The following PIK3CG variants were observed in gnomAD, a reference collection of about 807,000 sequenced individuals.
PIK3CG encodes the protein phosphatidylinositol-4,5-bisphosphate 3-kinase catalytic subunit gamma.
Under a neutral mutation model 102.3 loss-of-function variants are expected in PIK3CG, and 55 were observed. The ratio of observed to expected loss-of-function variants is 0.54; its 90% CI spans 0.43 to 0.67. The LOEUF is 0.67. Among genes scored for constraint, PIK3CG ranks in the 30% least tolerant of loss-of-function variants. PIK3CG has a pLI of 0.00. For synonymous variants in PIK3CG, 552 were observed against 540.0 expected (o/e 1.02, Z -0.31); for missense variants, 1,258 against 1,391.8 (o/e 0.90, Z 1.53).
rs997923950 is a variant in PIK3CG, at chr7:106,895,389, G to A, written c.3030+9097G>A. On this transcript the variant is annotated intron_variant, in intron 10 of 10. Transcript: ENST00000496166. The surrounding 1 kb of genome is among the most constrained non-coding windows in gnomAD (Gnocchi z 5.4). The stretch of plus-strand genomic sequence containing the variant: ...AGGCCTCTAGGCCAAGGTAGTGTCA[G>A]AACACTCCCACAGACCCTGTGGCTG... Among the ~76,000 whole-genome samples the A allele has an allele frequency of 1.3e-5, 2 of 152,214 alleles. No homozygotes were observed. The highest frequency in any genetic ancestry group is 2.4e-5 in the African/African-American group (1 of 41,466).
intron 9 of PIK3CG, among the ~76,000 whole-genome samples, chr7:106,885,800 A>G (rs920777334): frequency 6.6e-6 from 1 of 152,162 alleles, no homozygotes; most frequent in African/African-American, 2.4e-5. Context: ...TGAGTTGCGT[A>G]AAGAGCATAA....
Position 106,907,081 on chromosome 7 carries a change from C to G in PIK3CG, c.*1694C>G, listed in dbSNP as rs114594129. 8.8e-3 allele frequency: 1,733 copies of G among 196,258 alleles called. 23 individuals carry two copies. Among genetic ancestry groups the G allele is most frequent in the African/African-American group, 0.038 (1,632 of 43,264 alleles). The allele number at this position is 196,258 out of a possible 1,614,324, so 12.2% of individuals were successfully genotyped here. On this transcript the variant is annotated 3_prime_UTR_variant, in exon 11 of 11. Coordinates refer to ENST00000496166, the MANE Select transcript of PIK3CG (RefSeq NM_001282426.2). ...AACTGCAGAGAGTCATGATCATGTC[C>G]TTACACTCCAGCCTGGATAACAGAG...
chr7:106,876,905 AAAT>A (rs1255660865), intron 5 of PIK3CG, among the ~76,000 whole-genome samples: 1 of 152,144 alleles, frequency 6.6e-6, no homozygotes, highest in East Asian at 1.9e-4. Flanking sequence ...CTTATCTAAG[AAAT>A]CTGTCTAGGA....
chr7:106,884,295 T>A lies in PIK3CG; in HGVS notation c.2872+29T>A. ...AGTTTATTTAGTGCAGAATAAACTT[T>A]TATTGTGGTAAAATATATATAACAT... On this transcript the variant is annotated intron_variant, in intron 9 of 10. Coordinates refer to ENST00000496166, the MANE Select transcript of PIK3CG (RefSeq NM_001282426.2). This position sits in a 1 kb window ranked among gnomAD's most constrained non-coding sequence, Gnocchi z 4.2. The A allele has an allele frequency of 7.3e-7, 1 of 1,363,018 alleles. No homozygotes were observed. Among genetic ancestry groups the A allele is most frequent in the Non-Finnish European group, 1.0e-6 (1 of 954,100 alleles). The allele number at this position is 1,363,018 out of a possible 1,614,324, so 84.4% of individuals were successfully genotyped here.
chr7:106,901,814 G>A (rs1177565759), intron 10 of PIK3CG, among the ~76,000 whole-genome samples: 2 of 152,194 alleles, frequency 1.3e-5, no homozygotes, highest in African/African-American at 4.8e-5. Context: ...TGGTTTCAGA[G>A]GGAGGTATGT....
chr7:106,868,976 G>A lies in PIK3CG; in HGVS notation c.1415G>A (p.Arg472His), dbSNP rs751167601. 2.5e-6 allele frequency: 4 copies of A among 1,614,136 alleles called. No homozygotes were observed. Among genetic ancestry groups the A allele is most frequent in the Non-Finnish European group, 2.5e-6 (3 of 1,180,022 alleles). The change falls in exon 2 of 11, where the codon CGT becomes CAT. Residue 472 changes from arginine (R) to histidine (H), a missense_variant. Coordinates refer to ENST00000496166, the MANE Select transcript of PIK3CG (RefSeq NM_001282426.2). The surrounding 1 kb of genome is among the most constrained non-coding windows in gnomAD (Gnocchi z 6.2). ...YYVNLLLIDH[R>H]FLLRRGEYVL... ...GTGAACCTGCTGCTGATAGACCACC[G>A]TTTCCTCCTGCGCCGTGGAGAATAC...
rs2116490581 is a variant in PIK3CG at position 106,872,947 on chromosome 7, G to A, written c.2287+9G>A. The A allele has an allele frequency of 6.3e-7, 1 of 1,583,028 alleles. No individual in the cohort carries two copies. On this transcript the variant is annotated intron_variant, in intron 4 of 10. Transcript: ENST00000496166. This position sits in a 1 kb window ranked among gnomAD's most constrained non-coding sequence, Gnocchi z 5.3. ...TGACGTCAGTTCCCAAGGTACGGTGGCTATATTTTCTGTGTTCTCTTTCCA... is the reference window on the plus strand; with the variant it reads ...TGACGTCAGTTCCCAAGGTACGGTGACTATATTTTCTGTGTTCTCTTTCCA...
At chr7:106,873,087 G>A (rs1453751298) in intron 4 of PIK3CG, 149 bp downstream of exon 4, 1 of 614,986 alleles carries the variant, frequency 1.6e-6, no homozygotes, top group East Asian at 2.8e-5. Context: ...TCTGCATGGA[G>A]TAAACAAATT....
chr7:106,899,224 C>G lies in PIK3CG; in HGVS notation c.3031-5885C>G, dbSNP rs1310570730. The stretch of plus-strand genomic sequence containing the variant: ...TTTACACTGATTTTGGATCCTACAA[C>G]TTTGCTGAAGTTGTTTATCAGCTGG... On this transcript the variant is annotated intron_variant, in intron 10 of 10. Coordinates refer to ENST00000496166, the MANE Select transcript of PIK3CG (RefSeq NM_001282426.2). The surrounding 1 kb of genome is among the most constrained non-coding windows in gnomAD (Gnocchi z 4.6). 6.6e-6 allele frequency among the ~76,000 whole-genome samples: 1 copy of G among 152,154 alleles called. No homozygotes were observed. The highest frequency in any genetic ancestry group is 1.5e-5 in the Non-Finnish European group (1 of 68,018).
At position 106,869,722 on chromosome 7, in the gene PIK3CG, T is replaced by G. The variant is rs28481326; in HGVS notation, c.1995+166T>G. On this transcript the variant is annotated intron_variant, in intron 2 of 10. Coordinates refer to ENST00000496166, the MANE Select transcript of PIK3CG (RefSeq NM_001282426.2). The surrounding 1 kb of genome is among the most constrained non-coding windows in gnomAD (Gnocchi z 5.3). Reference sequence around the variant, plus strand: ...TCAAAAAGTAGTAAACTGTTCCATGTACATTTTTACTGTCTCGGAGGGTTT... The same window carrying G: ...TCAAAAAGTAGTAAACTGTTCCATGGACATTTTTACTGTCTCGGAGGGTTT... Among the ~76,000 whole-genome samples the G allele has an allele frequency of 6.2e-3, 946 of 152,302 alleles. 8 individuals carry two copies. Among genetic ancestry groups the G allele is most frequent in the African/African-American group, 0.022 (904 of 41,562 alleles).
chr7:106,876,478 T>TC (rs1790746315), intron 5 of PIK3CG, among the ~76,000 whole-genome samples: 1 of 149,528 alleles, frequency 6.7e-6, no homozygotes, highest in Non-Finnish European at 1.5e-5. Flanking sequence ...TGCAAGCTCC[T>TC]CCTCCCAGGT....
Position 106,907,670 on chromosome 7 carries a change from C to T in PIK3CG, c.*2283C>T, listed in dbSNP as rs555041962. 2.8e-4 allele frequency among the ~76,000 whole-genome samples: 41 copies of T among 148,716 alleles called. No homozygotes were observed. The highest frequency in any genetic ancestry group is 8.8e-4 in the African/African-American group (36 of 40,926). On this transcript the variant is annotated 3_prime_UTR_variant, in exon 11 of 11. Coordinates refer to ENST00000496166, the MANE Select transcript of PIK3CG (RefSeq NM_001282426.2). ...AATACATTTATATTTAGCTTATTGGCACATGTGCATACATATTTCCTCTTC... is the reference window on the plus strand; with the variant it reads ...AATACATTTATATTTAGCTTATTGGTACATGTGCATACATATTTCCTCTTC...
At chr7:106,878,186 G>T (rs6963859) in intron 5 of PIK3CG, among the ~76,000 whole-genome samples, 39,657 of 151,808 alleles carry the variant, frequency 0.26, 5,886 homozygotes, top group Admixed American at 0.38. Context: ...TTTTTTTCTT[G>T]CAGTAACATT....
rs968647385 is a variant in PIK3CG at position 106,869,609 on chromosome 7, C to A, written c.1995+53C>A. ...AGCCTTCTCAAAAGGAATTGATTTG[C>A]ATATGCACAGGCACTCCATTCAGTT... is the stretch of plus-strand genomic sequence containing the variant. On this transcript the variant is annotated intron_variant, in intron 2 of 10. Transcript: ENST00000496166. This position sits in a 1 kb window ranked among gnomAD's most constrained non-coding sequence, Gnocchi z 5.3. The A allele has an allele frequency of 1.4e-6, 2 of 1,403,488 alleles. No homozygotes were observed. Among genetic ancestry groups the A allele is most frequent in the East Asian group, 2.5e-5 (1 of 40,334 alleles). 86.9% of individuals were successfully genotyped at this position (1,403,488 alleles called of 1,614,324 possible).
chr7:106,901,132 A>T (rs1791539322), intron 10 of PIK3CG, among the ~76,000 whole-genome samples: 1 of 152,092 alleles, frequency 6.6e-6, no homozygotes, highest in Non-Finnish European at 1.5e-5. Context: ...TTCATGGATG[A>T]TGTCCTGAAA....
rs1790667649 is a variant in PIK3CG, at chr7:106,874,801, G to A, written c.2389G>A (p.Ala797Thr). Residue 797 changes from alanine to threonine, a missense_variant and splice_region_variant, in exon 5 of 11, where the codon GCA (alanine) becomes ACA (threonine). Around this residue, in one of 2 missense-constraint regions of PIK3CG, gnomAD observed 426 missense variants for 604.2 expected, o/e 0.71. Coordinates refer to ENST00000496166, the MANE Select transcript of PIK3CG (RefSeq NM_001282426.2). The surrounding 1 kb of genome is among the most constrained non-coding windows in gnomAD (Gnocchi z 4.3). ...YDPGLKAGAL[A>T]IEKCKVMASK... ...TCCTGGACTGAAAGCAGGAGCGCTG[G>A]CAGTAGGTATCACTTGGATGTCTCC... The A allele has an allele frequency of 6.2e-7, 1 of 1,604,794 alleles. No homozygotes were observed. The highest frequency in any genetic ancestry group is 8.5e-7 in the Non-Finnish European group (1 of 1,171,840).
chr7:106,881,740 C>T (rs1584332425), intron 6 of PIK3CG, among the ~76,000 whole-genome samples: 1 of 152,118 alleles, frequency 6.6e-6, no homozygotes, highest in South Asian at 2.1e-4. Context: ...ATCCCAGCTA[C>T]TCAGGAGGCT....
chr7:106,883,485 T>C lies in PIK3CG; in HGVS notation c.2760+322T>C, dbSNP rs1016869036. On this transcript the variant is annotated intron_variant, in intron 8 of 10. Coordinates refer to ENST00000496166, the MANE Select transcript of PIK3CG (RefSeq NM_001282426.2). The surrounding 1 kb of genome is among the most constrained non-coding windows in gnomAD (Gnocchi z 5.8). The stretch of plus-strand genomic sequence containing the variant: ...ATCTATTTTTGTTGTTCAGCCAAGA[T>C]ATTTAGTTACCATGTATAAACTCTT... 6.6e-6 allele frequency among the ~76,000 whole-genome samples: 1 copy of C among 152,254 alleles called. No individual in the cohort carries two copies. The highest frequency in any genetic ancestry group is 2.4e-5 in the African/African-American group (1 of 41,472).
rs1283545223 is a variant in PIK3CG at position 106,895,763 on chromosome 7, AAATC to A, written c.3031-9345_3031-9342del. ...ATAGCCAACTACTTATGTAGCACTT[AAATC>A]TCACCACAACAACATGAAATGGGTA... On this transcript the variant is annotated intron_variant, in intron 10 of 10. Coordinates refer to ENST00000496166, the MANE Select transcript of PIK3CG (RefSeq NM_001282426.2). The surrounding 1 kb of genome is among the most constrained non-coding windows in gnomAD (Gnocchi z 5.4). Among the ~76,000 whole-genome samples, 1 of 152,236 alleles carries A rather than the reference AAATC, an allele frequency of 6.6e-6. No homozygotes were observed. The highest frequency in any genetic ancestry group is 1.9e-4 in the East Asian group (1 of 5,196).
Sources: gnomAD v4.1 joint callset for allele counts (sites outside exome capture counted in the v4.1 genomes callset) on GRCh38, gnomAD v4.1.1 for gene constraint, gnomAD v4.1.1 regional missense constraint, Gnocchi (gnomAD v3.1) non-coding constraint, MANE v1.5 for transcripts, NCBI Gene and HGNC (gene_info 2026-07-23, HGNC 2026-07-21) for gene names.